CNTN4: variants seen among roughly 807,000 people sequenced by gnomAD.
CNTN4 encodes contactin-4.
CNTN4 carries 77 observed loss-of-function variants against 122.5 expected under a neutral mutation model. That is an observed-to-expected ratio of 0.63 (90% CI 0.52 to 0.76). CNTN4 has a LOEUF of 0.76. Ranked by LOEUF, CNTN4 falls within the 30% of genes least tolerant of loss-of-function variation. The pLI is 0.00. For missense variants in CNTN4, 1,256 were observed against 1,259.1 expected, an observed-to-expected ratio of 1.00 and a Z score of 0.04; for synonymous variants, 512 against 447.0, an observed-to-expected ratio of 1.15 and a Z score of -1.83.
intron 4 of CNTN4, among the ~76,000 whole-genome samples, chr3:2,689,716 T>C (rs892066050): frequency 1.3e-5 from 2 of 152,012 alleles, no homozygotes; most frequent in Admixed American, 1.3e-4. Flanking sequence ...GCAGCTGATA[T>C]AAGAGACCTA....
At chr3:2,635,327 A>C (rs960889116) in intron 4 of CNTN4, among the ~76,000 whole-genome samples, 9 of 152,312 alleles carry the variant, frequency 5.9e-5, no homozygotes, top group African/African-American at 2.2e-4. Context: ...GGAAATGAAA[A>C]TATTTTCTCT....
At chr3:2,819,365 C>A in intron 6 of CNTN4, 121 bp from the exon 7 acceptor site, 1 of 749,980 alleles carries the variant, frequency 1.3e-6, no homozygotes, top group Admixed American at 2.0e-5. Context: ...TGAATTCCCC[C>A]GGTATGGGTG....
At chr3:2,465,584 G>A (rs1039873021) in intron 3 of CNTN4, among the ~76,000 whole-genome samples, 16 of 152,164 alleles carry the variant, frequency 1.1e-4, no homozygotes, top group African/African-American at 3.1e-4. Context: ...GGCTGAGGCA[G>A]GAGAATTGCT....
At chr3:2,455,933 C>T (rs1211999990) in intron 3 of CNTN4, among the ~76,000 whole-genome samples, 1 of 151,926 alleles carries the variant, frequency 6.6e-6, no homozygotes, top group Non-Finnish European at 1.5e-5. Context: ...GGTTAATATT[C>T]AAATATATTA....
intron 2 of CNTN4, among the ~76,000 whole-genome samples, chr3:2,258,779 A>G (rs1238113274): frequency 6.6e-6 from 1 of 151,788 alleles, no homozygotes; most frequent in African/African-American, 2.4e-5. Context: ...TAACCTTTTT[A>G]TATTTTTTTA....
chr3:2,284,993 A>G (rs573430231), intron 2 of CNTN4, among the ~76,000 whole-genome samples: 3 of 151,944 alleles, frequency 2.0e-5, no homozygotes, highest in Admixed American at 6.6e-5. Context: ...TTCTCTCTAT[A>G]TATATTTTTG....
intron 4 of CNTN4, among the ~76,000 whole-genome samples, chr3:2,644,860 C>T (rs577030743): frequency 6.7e-6 from 1 of 148,198 alleles, no homozygotes; most frequent in African/African-American, 2.5e-5. Context: ...AGCAACTAAC[C>T]CCTTGTCTTG....
intron 2 of CNTN4, among the ~76,000 whole-genome samples, chr3:2,247,751 A>C (rs2040211196): frequency 6.6e-6 from 1 of 151,950 alleles, no homozygotes; most frequent in Non-Finnish European, 1.5e-5. Flanking sequence ...ATTTTGGGGA[A>C]CAAATAGCAA....
intron 3 of CNTN4, among the ~76,000 whole-genome samples, chr3:2,544,523 T>A: frequency 6.6e-6 from 1 of 152,002 alleles, no homozygotes; most frequent in East Asian, 1.9e-4. Context: ...ACAATATGAG[T>A]TTCTGTCCTC....
At chr3:2,584,917 G>GTAGA (rs760860047) in intron 4 of CNTN4, among the ~76,000 whole-genome samples, 1,896 of 151,252 alleles carry the variant, frequency 0.013, 26 homozygotes, top group African/African-American at 0.025. Flanking sequence ...AGGTAGGTAG[G>GTAGA]TAGATAGATA....
chr3:2,301,550 T>G (rs1575316155), intron 2 of CNTN4, among the ~76,000 whole-genome samples: 1 of 152,238 alleles, frequency 6.6e-6, no homozygotes, highest in Admixed American at 6.5e-5. Context: ...TGATCTTTTT[T>G]GTTGATAGCT....
At chr3:2,793,239 G>C (rs980986411) in intron 6 of CNTN4, among the ~76,000 whole-genome samples, 4 of 152,004 alleles carry the variant, frequency 2.6e-5, no homozygotes, top group South Asian at 2.1e-4. Context: ...TCACGCTTCT[G>C]CTTGTTTCTC....
chr3:2,658,442 G>A (rs1377382107), intron 4 of CNTN4, among the ~76,000 whole-genome samples: 1 of 152,162 alleles, frequency 6.6e-6, no homozygotes, highest in Non-Finnish European at 1.5e-5. Context: ...TGACTATGAA[G>A]GCAGGTACCA....
chr3:2,108,914 T>A (rs1287160927), intron 2 of CNTN4, among the ~76,000 whole-genome samples: 1 of 152,148 alleles, frequency 6.6e-6, no homozygotes, highest in African/African-American at 2.4e-5. Flanking sequence ...TAAGTATCTC[T>A]TGCCTAAAAC....
At chr3:2,208,257 A>C (rs1015218157) in intron 2 of CNTN4, among the ~76,000 whole-genome samples, 1 of 152,254 alleles carries the variant, frequency 6.6e-6, no homozygotes, top group South Asian at 2.1e-4. Context: ...AAACAGCAAC[A>C]TTACCAGAAG....
intron 8 of CNTN4, among the ~76,000 whole-genome samples, chr3:2,874,458 G>A (rs574413879): frequency 2.9e-4 from 44 of 152,156 alleles, no homozygotes; most frequent in Non-Finnish European, 5.6e-4. Context: ...TTGACTTGGG[G>A]CATTCTTTTG....
At chr3:2,235,929 G>T (rs994740383) in intron 2 of CNTN4, among the ~76,000 whole-genome samples, 1 of 152,262 alleles carries the variant, frequency 6.6e-6, no homozygotes, top group South Asian at 2.1e-4. Flanking sequence ...TTGAAGGAAA[G>T]ATTTCAGTAA....
chr3:2,676,256 C>G (rs2084838656), intron 4 of CNTN4, among the ~76,000 whole-genome samples: 1 of 151,916 alleles, frequency 6.6e-6, no homozygotes, highest in Non-Finnish European at 1.5e-5. Context: ...GAGTCTTGCT[C>G]TGTCACCCAG....
In CNTN4 at chr3:2,411,453, G is replaced by A. The variant is rs79304542; in HGVS notation, c.-89+72220G>A. Among the ~76,000 whole-genome samples, 577 of 152,248 alleles carry A rather than the reference G, an allele frequency of 3.8e-3. 4 individuals carry two copies. The highest frequency in any genetic ancestry group is 0.014 in the African/African-American group (564 of 41,556). Reference sequence around the variant, plus strand: ...CTGAAATCTAACTAAGAGAATCCTAGTTTACTGCATTTGTTGGCAAAAAAG... The same window carrying A: ...CTGAAATCTAACTAAGAGAATCCTAATTTACTGCATTTGTTGGCAAAAAAG... On this transcript the variant is annotated intron_variant, in intron 3 of 24. Transcript: ENST00000418658.
Sources: allele counts gnomAD v4.1 joint callset (sites outside exome capture counted in the v4.1 genomes callset), GRCh38; gene constraint gnomAD v4.1.1; transcripts MANE v1.5; gene names NCBI Gene and HGNC (gene_info 2026-07-23, HGNC 2026-07-21).